The following SNX27 variants were observed in gnomAD, a reference collection of about 807,000 sequenced individuals.
SNX27 encodes sorting nexin 27.
SNX27 carries 22 observed loss-of-function variants against 71.6 expected under a neutral mutation model. The observed-to-expected ratio is 0.31, with a 90% CI of 0.22 to 0.44. SNX27 has a LOEUF of 0.44. Among genes scored for constraint, SNX27 ranks in the 20% least tolerant of loss-of-function variants. SNX27 has a pLI of 1.00. For missense variants in SNX27, 531 were observed against 698.6 expected (o/e 0.76, Z 2.70); for synonymous variants, 269 against 277.2 (o/e 0.97, Z 0.29).
At position 151,694,703 on chromosome 1, in the gene SNX27, G is replaced by A. The variant is rs1204661377; in HGVS notation, c.*286G>A. Reference sequence around the variant, plus strand: ...AAGGTATCTTTGTCCTTTCACCTGGGCCTCATACCAACAGCCTCTCCTTGT... The same window carrying A: ...AAGGTATCTTTGTCCTTTCACCTGGACCTCATACCAACAGCCTCTCCTTGT... On this transcript the variant is annotated 3_prime_UTR_variant, in exon 12 of 12. Coordinates refer to ENST00000458013, the MANE Select transcript of SNX27 (RefSeq NM_001330723.2). 2.9e-5 allele frequency: 10 copies of A among 344,552 alleles called. No individual in the cohort carries two copies. The Admixed American group carries it at 3.7e-4, about 13-fold the overall frequency. 21.3% of individuals were successfully genotyped at this position (344,552 alleles called of 1,614,324 possible). A position where few individuals can be genotyped will look rare whatever the true frequency, so the allele number is the denominator to read the frequency against.
At chr1:151,653,330 TA>T (rs1669506128) in intron 2 of SNX27, among the ~76,000 whole-genome samples, 2 of 152,140 alleles carry the variant, frequency 1.3e-5, no homozygotes, top group Admixed American at 1.3e-4. Flanking sequence ...ATGACTGAAG[TA>T]AATAGTGTTT....
At chr1:151,623,560 C>A (rs949715054) in intron 1 of SNX27, among the ~76,000 whole-genome samples, 2 of 152,086 alleles carry the variant, frequency 1.3e-5, no homozygotes, top group East Asian at 3.9e-4. Flanking sequence ...CCACTCCTAA[C>A]CTAATTTTTA....
intron 7 of SNX27, among the ~76,000 whole-genome samples, chr1:151,669,822 T>C (rs1195396193): frequency 6.6e-6 from 1 of 152,204 alleles, no homozygotes; most frequent in Non-Finnish European, 1.5e-5. Context: ...AGGCATATGG[T>C]GTGTAATAAT....
At chr1:151,626,674 C>T (rs1215436950) in intron 1 of SNX27, among the ~76,000 whole-genome samples, 1 of 151,742 alleles carries the variant, frequency 6.6e-6, no homozygotes, top group Non-Finnish European at 1.5e-5. Context: ...TGCACTCCAG[C>T]CTGGGCGACA....
At chr1:151,666,081 G>C in intron 6 of SNX27, 70 bp downstream of exon 6, 1 of 1,253,038 alleles carries the variant, frequency 8.0e-7, no homozygotes, top group East Asian at 2.4e-5. Context: ...ACCTAGAGAA[G>C]AGCTTGAAGA....
At chr1:151,661,016 C>CT in intron 4 of SNX27, 154 bp downstream of exon 4, 1 of 582,160 alleles carries the variant, frequency 1.7e-6, no homozygotes, top group Non-Finnish European at 3.1e-6. Flanking sequence ...CTTATCTATC[C>CT]TTTAAGACCT....
intron 7 of SNX27, among the ~76,000 whole-genome samples, chr1:151,674,794 C>G (rs1464934842): frequency 1.3e-5 from 2 of 151,952 alleles, no homozygotes; most frequent in African/African-American, 4.8e-5. Context: ...TCAAGCAATT[C>G]TCCTGCCTCA....
At chr1:151,691,109 C>T (rs1323407729) in intron 8 of SNX27, among the ~76,000 whole-genome samples, 4 of 151,980 alleles carry the variant, frequency 2.6e-5, no homozygotes, top group Non-Finnish European at 5.9e-5. Flanking sequence ...TATCACTGAT[C>T]TAGGAAGGAC....
At chr1:151,658,470 G>T (rs1041663725) in intron 3 of SNX27, 43 bp downstream of exon 3, 1 of 1,560,092 alleles carries the variant, frequency 6.4e-7, no homozygotes, top group Non-Finnish European at 8.7e-7. Flanking sequence ...GTAGACGTAG[G>T]TTCTAGATAT....
chr1:151,639,791 T>C (rs1414880836), intron 2 of SNX27, among the ~76,000 whole-genome samples: 1 of 152,238 alleles, frequency 6.6e-6, no homozygotes, highest in African/African-American at 2.4e-5. Flanking sequence ...CTTCAGAGCC[T>C]AATTGCCACT....
chr1:151,675,449 C>T, intron 7 of SNX27, among the ~76,000 whole-genome samples: 1 of 151,832 alleles, frequency 6.6e-6, no homozygotes, highest in East Asian at 1.9e-4. Flanking sequence ...TTTTTCTTTT[C>T]TTTTTTCCTT....
intron 9 of SNX27, among the ~76,000 whole-genome samples, 156 bp downstream of exon 9, chr1:151,692,740 A>G (rs1671515781): frequency 6.6e-6 from 1 of 152,164 alleles, no homozygotes; most frequent in African/African-American, 2.4e-5. Context: ...CTGATCCTCA[A>G]CTTCATTGGC....
At chr1:151,675,011 G>A (rs959884267) in intron 7 of SNX27, among the ~76,000 whole-genome samples, 2 of 151,998 alleles carry the variant, frequency 1.3e-5, no homozygotes. Flanking sequence ...ATATGCTTTC[G>A]GTCAGTCCTC....
intron 11 of SNX27, chr1:151,693,724 C>T (rs1165365480): frequency 2.5e-6 from 4 of 1,594,570 alleles, no homozygotes; most frequent in Non-Finnish European, 3.4e-6. Flanking sequence ...ACATTGGCTA[C>T]AGGCTCTTCC....
chr1:151,645,329 C>G (rs1388052305), intron 2 of SNX27, among the ~76,000 whole-genome samples: 1 of 152,076 alleles, frequency 6.6e-6, no homozygotes, highest in Non-Finnish European at 1.5e-5. Context: ...TGTCTTTTCC[C>G]TTGAGAATGG....
chr1:151,694,340 C>T, intron 11 of SNX27, 30 bp from the exon 12 acceptor site: 1 of 1,549,370 alleles, frequency 6.5e-7, no homozygotes, highest in Non-Finnish European at 8.7e-7. Flanking sequence ...GATGTGCCTT[C>T]CCAATAACTC....
intron 1 of SNX27, among the ~76,000 whole-genome samples, chr1:151,613,518 CACTTG>C (rs1056461873): frequency 6.6e-6 from 1 of 152,126 alleles, no homozygotes; most frequent in African/African-American, 2.4e-5. Context: ...TGTGATCCCA[CACTTG>C]ACTTTGTCCT....
chr1:151,687,642 CT>C (rs1180397046), intron 8 of SNX27, among the ~76,000 whole-genome samples: 2 of 152,132 alleles, frequency 1.3e-5, no homozygotes, highest in African/African-American at 4.8e-5. Flanking sequence ...CTGTTAAACA[CT>C]GAGTCTCTGC....
At chr1:151,655,182 C>G (rs968023253) in intron 2 of SNX27, among the ~76,000 whole-genome samples, 4 of 151,642 alleles carry the variant, frequency 2.6e-5, no homozygotes, top group Non-Finnish European at 4.4e-5. Flanking sequence ...TGTTTTTAAG[C>G]TCTTTTTGAG....
Sources: gnomAD v4.1 joint callset for allele counts (sites outside exome capture counted in the v4.1 genomes callset) on GRCh38, gnomAD v4.1.1 for gene constraint, MANE v1.5 for transcripts, NCBI Gene and HGNC (gene_info 2026-07-23, HGNC 2026-07-21) for gene names.